The following RPL38 variants were observed in gnomAD, a reference collection of about 807,000 sequenced individuals.
RPL38 encodes the protein ribosomal protein L38.
Under a neutral mutation model 12.8 loss-of-function variants are expected in RPL38, and 2 were observed. That is an observed-to-expected ratio of 0.16 (90% CI 0.06 to 0.49). The LOEUF (loss-of-function observed/expected upper bound fraction) is 0.49, where lower values mean the gene tolerates loss of function less well. Ranked by LOEUF, RPL38 falls within the 20% of genes least tolerant of loss-of-function variation. The probability of loss-of-function intolerance (pLI) is 0.96; values close to 1 mark genes in which losing one functional copy is unlikely to be tolerated. For missense variants in RPL38, 52 were observed against 79.8 expected (o/e 0.65, Z 1.33); for synonymous variants, 42 against 30.1 (o/e 1.39, Z -1.29).
chr17:74,206,372 T>C (rs995454914), intron 3 of RPL38: 3 of 152,234 alleles, frequency 2.0e-5, no homozygotes, highest in Admixed American at 2.0e-4. Context: ...AAATTGAGGC[T>C]ATAGTGAGCC....
chr17:74,204,389 C>T (rs1567803067), intron 3 of RPL38, 199 bp downstream of exon 3: 4 of 589,772 alleles, frequency 6.8e-6, no homozygotes, highest in East Asian at 5.7e-5. Context: ...TTTCTAGGAC[C>T]ATCTTTAGCT....
chr17:74,203,993 T>TGGGCTCGTGGGGCCCCGGGGC (rs2050085630), intron 2 of RPL38, 35 bp downstream of exon 2: 3 of 1,612,642 alleles, frequency 1.9e-6, no homozygotes, highest in African/African-American at 2.7e-5. Flanking sequence ...CTTCCCGGGG[T>TGGGCTCGTGGGGCCCCGGGGC]GGGCTCGTGG....
In RPL38 at chr17:74,210,011, G is replaced by C. The variant is rs185374560; in HGVS notation, c.*182G>C. 18 of 550,976 alleles carry C rather than the reference G, an allele frequency of 3.3e-5. No homozygotes were observed. The highest frequency in any genetic ancestry group is 3.1e-4 in the African/African-American group (15 of 47,788). 34.1% of individuals were successfully genotyped at this position (550,976 alleles called of 1,614,324 possible). On this transcript the variant is annotated 3_prime_UTR_variant, in exon 5 of 5. Transcript: ENST00000311111. ...TTTTTTTTTTTTCTTTCTTTGAGAC[G>C]GAGTCTTGCTCTGTGGCTCATCCTG...
chr17:74,204,618 A>C (rs1269838134), intron 3 of RPL38: 3 of 188,472 alleles, frequency 1.6e-5, no homozygotes, highest in Admixed American at 5.4e-5. Context: ...CACACTGTGT[A>C]GTATGGTCGT....
In RPL38 at chr17:74,204,118, T is replaced by C; in HGVS notation, c.4-12T>C. ...CTTTCCTCTCTGTTCACCCGCTTCC[T>C]TTGTGTTGCAGCCTCGGAAAATTGA... On this transcript the variant is annotated splice_polypyrimidine_tract_variant and intron_variant, in intron 2 of 4. Transcript: ENST00000311111. 1 of 1,614,110 alleles carries C rather than the reference T, an allele frequency of 6.2e-7. No homozygotes were observed. The highest frequency in any genetic ancestry group is 1.3e-5 in the African/African-American group (1 of 75,038).
chr17:74,209,951 G>A lies in RPL38; in HGVS notation c.*122G>A, dbSNP rs1299391233. ...TAGTGGCTTCTGATGGGAACAGGAC[G>A]CGGGTTCTGTTGCTGCCTTCCTGTG... On this transcript the variant is annotated 3_prime_UTR_variant, in exon 5 of 5. Coordinates refer to ENST00000311111, the MANE Select transcript of RPL38 (RefSeq NM_000999.4). The A allele has an allele frequency of 2.5e-5, 18 of 722,544 alleles. No individual in the cohort carries two copies. Among genetic ancestry groups the A allele is most frequent in the South Asian group, 8.3e-5 (5 of 60,148 alleles). The allele number at this position is 722,544 out of a possible 1,614,324, so 44.8% of individuals were successfully genotyped here.
chr17:74,208,701 C>T (rs1006146382), intron 3 of RPL38, among the ~76,000 whole-genome samples: 2 of 152,092 alleles, frequency 1.3e-5, no homozygotes, highest in Admixed American at 6.5e-5. Context: ...TTTGGGAGGC[C>T]GAGGCCAGCG....
chr17:74,206,425 T>C (rs2050114289), intron 3 of RPL38: 1 of 152,192 alleles, frequency 6.6e-6, no homozygotes, highest in Non-Finnish European at 1.5e-5. Flanking sequence ...CAAAGCATAA[T>C]TGTACAGTTC....
In RPL38 at chr17:74,209,800, C is replaced by T. The variant is rs1445792899; in HGVS notation, c.188-4C>T. On this transcript the variant is annotated splice_polypyrimidine_tract_variant and splice_region_variant and intron_variant, in intron 4 of 4. Coordinates refer to ENST00000311111, the MANE Select transcript of RPL38 (RefSeq NM_000999.4). ...ATGGCTTACTTTTGTCTCTTTCCCT[C>T]TAGGTTTGGCAGTGAAGGAACTGAA... 1 of 1,612,636 alleles carries T rather than the reference C, an allele frequency of 6.2e-7. No individual in the cohort carries two copies. The highest frequency in any genetic ancestry group is 8.5e-7 in the Non-Finnish European group (1 of 1,178,718).
chr17:74,209,761 G>A (rs372173636), intron 4 of RPL38, 43 bp from the exon 5 acceptor site: 1 of 1,590,270 alleles, frequency 6.3e-7, no homozygotes, highest in South Asian at 1.1e-5. Flanking sequence ...CAGCAACTCA[G>A]ATGTGTCTTC....
intron 2 of RPL38, 44 bp downstream of exon 2, chr17:74,204,002 G>T: frequency 1.9e-6 from 3 of 1,612,874 alleles, no homozygotes; most frequent in Non-Finnish European, 2.5e-6. Flanking sequence ...GTGGGCTCGT[G>T]GGGCCCCGGG....
intron 3 of RPL38, chr17:74,204,429 G>C (rs1422175006): frequency 5.5e-6 from 3 of 545,194 alleles, no homozygotes; most frequent in African/African-American, 3.8e-5. Context: ...GCCGCCCTGA[G>C]TTCAGTTTTC....
At position 74,204,097 on chromosome 17, in the gene RPL38, CCT is replaced by C. The variant is rs754039248; in HGVS notation, c.4-28_4-27del. 7.4e-6 allele frequency: 12 copies of C among 1,613,582 alleles called. No individual in the cohort carries two copies. The South Asian group carries it at 8.8e-5, about 12-fold the overall frequency. ...CCATCGCCGGGAGACGTGTCTCTTT[CCT>C]CTCTGTTCACCCGCTTCCTTTGTGT... On this transcript the variant is annotated intron_variant, in intron 2 of 4. Transcript: ENST00000311111.
At chr17:74,208,925 ACT>A (rs1381310225) in intron 3 of RPL38, among the ~76,000 whole-genome samples, 2 of 152,122 alleles carry the variant, frequency 1.3e-5, no homozygotes, top group South Asian at 2.1e-4. Context: ...ACAGACCGAG[ACT>A]CTGTCTCAAA....
intron 3 of RPL38, among the ~76,000 whole-genome samples, chr17:74,206,753 C>T (rs912079825): frequency 2.3e-5 from 3 of 127,866 alleles, no homozygotes; most frequent in African/African-American, 3.2e-5. Context: ...CACTCTGTTG[C>T]CCAGACTGGA....
chr17:74,207,519 C>CTTTTTTTTTTTTTTTTT (rs960745898), intron 3 of RPL38, among the ~76,000 whole-genome samples: 2 of 150,922 alleles, frequency 1.3e-5, no homozygotes, highest in African/African-American at 4.9e-5. Context: ...GTTGAGTAAA[C>CTTTTTTTTTTTTTTTTT]TTTTTTTTTA....
intron 3 of RPL38, 51 bp downstream of exon 3, chr17:74,204,241 G>T (rs770634055): frequency 1.4e-5 from 21 of 1,536,256 alleles, no homozygotes. Context: ...GCCTGGCACC[G>T]CTCCGGGAGC....
rs372173636 is a variant in RPL38 at position 74,209,761 on chromosome 17, G to T, written c.188-43G>T. 2.5e-6 allele frequency: 4 copies of T among 1,590,152 alleles called. No homozygotes were observed. The African/African-American group carries it at 4.0e-5, about 16-fold the overall frequency. On this transcript the variant is annotated intron_variant, in intron 4 of 4. Coordinates refer to ENST00000311111, the MANE Select transcript of RPL38 (RefSeq NM_000999.4). ...AATTTAGACAAGCAGCAGCAACTCA[G>T]ATGTGTCTTCTGGATGGCTTACTTT...
At chr17:74,206,645 T>G (rs1285735911) in intron 3 of RPL38, among the ~76,000 whole-genome samples, 1 of 152,130 alleles carries the variant, frequency 6.6e-6, no homozygotes, top group Non-Finnish European at 1.5e-5. Context: ...TTTGACCTTT[T>G]GTGACTGGCT....
Sources: allele counts gnomAD v4.1 joint callset (sites outside exome capture counted in the v4.1 genomes callset), GRCh38; gene constraint gnomAD v4.1.1; transcripts MANE v1.5; gene names NCBI Gene and HGNC (gene_info 2026-07-23, HGNC 2026-07-21).